The following SPIDR variants were observed in gnomAD, a reference collection of about 807,000 sequenced individuals.
The protein encoded by SPIDR is scaffold protein involved in DNA repair, also known as DNA repair-scaffolding protein.
A neutral mutation model predicts 104.6 loss-of-function variants in SPIDR; 93 were observed. That is an observed-to-expected ratio of 0.89 (90% confidence interval 0.75 to 1.06). The LOEUF (loss-of-function observed/expected upper bound fraction) is 1.06, where lower values mean the gene tolerates loss of function less well. Ranked by LOEUF, SPIDR falls within the 50% of genes least tolerant of loss-of-function variation. SPIDR has a pLI of 0.00. For synonymous variants in SPIDR, 431 were observed against 416.9 expected, an observed-to-expected ratio of 1.03 and a Z score of -0.41; for missense variants, 1,154 against 1,111.2, an observed-to-expected ratio of 1.04 and a Z score of -0.55.
chr8:47,536,089 AAT>A (rs147707352), intron 8 of SPIDR, among the ~76,000 whole-genome samples: 5 of 149,576 alleles, frequency 3.3e-5, no homozygotes, highest in Admixed American at 6.7e-5. Flanking sequence ...ATAATCTAAA[AAT>A]ATATATATAT....
At chr8:47,710,098 G>A (rs1005228880) in intron 14 of SPIDR, among the ~76,000 whole-genome samples, 1 of 151,992 alleles carries the variant, frequency 6.6e-6, no homozygotes, top group African/African-American at 2.4e-5. Context: ...GGCTGCTCTC[G>A]AACTCCTGAC....
rs2084841501 is a variant in SPIDR at position 47,729,416 on chromosome 8, T to C, written c.2555T>C (p.Leu852Ser). 2 of 1,593,138 alleles carry C rather than the reference T, an allele frequency of 1.3e-6. No homozygotes were observed. The highest frequency in any genetic ancestry group is 1.3e-5 in the African/African-American group (1 of 74,770). ...RPQCRVKVKL[L>S]QRSISSLLRF... ...GCCCTGCTTCTGCTGTTGCAGCTGT[T>C]GCAGCGCAGCATTTCCTCCCTGCTG... The change falls in exon 19 of 20, where the codon TTG (leucine) becomes TCG (serine). Residue 852 changes from leucine (L) to serine (S), a missense_variant. By Grantham distance (145) the Leu-to-Ser change is moderately radical. Transcript: ENST00000297423.
At chr8:47,506,573 G>A (rs970670909) in intron 8 of SPIDR, among the ~76,000 whole-genome samples, 5 of 152,122 alleles carry the variant, frequency 3.3e-5, no homozygotes, top group African/African-American at 4.8e-5. Flanking sequence ...AAGGAAATTA[G>A]TTAACATGCA....
chr8:47,347,152 G>T (rs555333029), intron 5 of SPIDR, among the ~76,000 whole-genome samples: 1 of 152,212 alleles, frequency 6.6e-6, no homozygotes, highest in South Asian at 2.1e-4. Context: ...TTGTGTCTTT[G>T]TTCTCACTGG....
intron 8 of SPIDR, among the ~76,000 whole-genome samples, chr8:47,521,440 CTTT>C (rs751917193): frequency 2.9e-5 from 4 of 137,602 alleles, no homozygotes; most frequent in Non-Finnish European, 3.2e-5. Flanking sequence ...ATTTTTTTTT[CTTT>C]TTTTTTTTTT....
At chr8:47,425,262 T>G (rs926378916) in intron 7 of SPIDR, among the ~76,000 whole-genome samples, 2 of 152,130 alleles carry the variant, frequency 1.3e-5, no homozygotes, top group African/African-American at 4.8e-5. Flanking sequence ...GTCACATTCA[T>G]TTACTCAGCA....
intron 10 of SPIDR, among the ~76,000 whole-genome samples, chr8:47,626,378 A>G (rs2066106954): frequency 1.3e-5 from 2 of 152,246 alleles, no homozygotes; most frequent in Non-Finnish European, 2.9e-5. Flanking sequence ...AAAAGCCAAA[A>G]TTAACAAATG....
intron 5 of SPIDR, among the ~76,000 whole-genome samples, chr8:47,345,080 G>T (rs1417995325): frequency 6.6e-6 from 1 of 152,162 alleles, no homozygotes; most frequent in Non-Finnish European, 1.5e-5. Flanking sequence ...TTCTTCTAGG[G>T]TTTTTATGGT....
At chr8:47,691,626 C>A (rs2078669595) in intron 11 of SPIDR, among the ~76,000 whole-genome samples, 1 of 152,148 alleles carries the variant, frequency 6.6e-6, no homozygotes, top group South Asian at 2.1e-4. Flanking sequence ...GTTGTGGAAA[C>A]CCAAGGAAGT....
At chr8:47,538,499 A>G (rs2087393501) in intron 8 of SPIDR, among the ~76,000 whole-genome samples, 2 of 152,150 alleles carry the variant, frequency 1.3e-5, no homozygotes, top group African/African-American at 4.8e-5. Flanking sequence ...AGACGAGATC[A>G]TGCCACTGCA....
At chr8:47,632,950 T>G (rs1477997510) in intron 10 of SPIDR, among the ~76,000 whole-genome samples, 1 of 152,230 alleles carries the variant, frequency 6.6e-6, no homozygotes, top group Non-Finnish European at 1.5e-5. Flanking sequence ...CAGGTCTGTC[T>G]GCCTCTGCAC....
intron 8 of SPIDR, among the ~76,000 whole-genome samples, chr8:47,470,733 A>G (rs1396122814): frequency 5.3e-5 from 8 of 151,994 alleles, no homozygotes; most frequent in Non-Finnish European, 1.2e-4. Context: ...ACATTAAAAG[A>G]CTAAAACTCT....
chr8:47,328,834 C>A (rs544860725), intron 5 of SPIDR, among the ~76,000 whole-genome samples: 46 of 151,592 alleles, frequency 3.0e-4, no homozygotes, highest in African/African-American at 1.1e-3. Flanking sequence ...TTTCTCAAGT[C>A]TTTCCTCATT....
In SPIDR at chr8:47,727,245, T is replaced by C; in HGVS notation, c.2387T>C (p.Val796Ala). 1 of 1,614,110 alleles carries C rather than the reference T, an allele frequency of 6.2e-7. No homozygotes were observed. Among genetic ancestry groups the C allele is most frequent in the Non-Finnish European group, 8.5e-7 (1 of 1,180,016 alleles). The change falls in exon 17 of 20, where the codon GTG becomes GCG. Residue 796 changes from valine to alanine, a missense_variant. Coordinates refer to ENST00000297423, the MANE Select transcript of SPIDR (RefSeq NM_001080394.4). ...VDESTAFSWP[V>A]CDMCGNGRLE... is the part of the protein sequence containing the mutation. The stretch of plus-strand genomic sequence containing the variant: ...GAGAGCACTGCTTTCTCATGGCCTG[T>C]GTGTGACATGTGTGGCAACGGGAGA...
intron 8 of SPIDR, among the ~76,000 whole-genome samples, chr8:47,585,015 G>A (rs1313619341): frequency 6.6e-6 from 1 of 152,000 alleles, no homozygotes; most frequent in Non-Finnish European, 1.5e-5. Flanking sequence ...AAATTTATTA[G>A]GTATTAGATA....
chr8:47,676,244 C>T (rs993397575), intron 11 of SPIDR, among the ~76,000 whole-genome samples: 10 of 152,162 alleles, frequency 6.6e-5, no homozygotes, highest in Non-Finnish European at 1.0e-4. Context: ...ATTGAGTATT[C>T]CAACAAATTC....
At chr8:47,485,628 C>T (rs2077482492) in intron 8 of SPIDR, among the ~76,000 whole-genome samples, 1 of 152,212 alleles carries the variant, frequency 6.6e-6, no homozygotes, top group Admixed American at 6.5e-5. Context: ...ACACCTAACA[C>T]CTGACACTTC....
chr8:47,732,055 C>G, intron 19 of SPIDR: 1 of 684,550 alleles, frequency 1.5e-6, no homozygotes, highest in Non-Finnish European at 2.7e-6. Context: ...TGCCTGGCAT[C>G]CCTGGTCACC....
Position 47,372,517 on chromosome 8 carries a change from T to G in SPIDR, c.526-23859T>G, listed in dbSNP as rs1331540975. On this transcript the variant is annotated intron_variant, in intron 5 of 19. Transcript: ENST00000297423. Reference sequence around the variant, plus strand: ...GGTGCATGCCTGTAATCCCAGCTACTTGGGAAGCTGAGGCAGGAGAATCGC... The same window carrying G: ...GGTGCATGCCTGTAATCCCAGCTACGTGGGAAGCTGAGGCAGGAGAATCGC... Among the ~76,000 whole-genome samples the G allele has an allele frequency of 2.6e-5, 4 of 152,120 alleles. No homozygotes were observed. The East Asian group carries it at 7.7e-4, about 29-fold the overall frequency.
Sources: allele counts gnomAD v4.1 joint callset (sites outside exome capture counted in the v4.1 genomes callset), GRCh38; gene constraint gnomAD v4.1.1; transcripts MANE v1.5; gene names NCBI Gene and HGNC (gene_info 2026-07-23, HGNC 2026-07-21).